The following KCNH3 variants were observed in gnomAD, a reference collection of about 807,000 sequenced individuals.
KCNH3 encodes the protein voltage-gated inwardly rectifying potassium channel KCNH3.
KCNH3 carries 36 observed loss-of-function variants against 95.6 expected under a neutral mutation model. The ratio of observed to expected loss-of-function variants is 0.38; its 90% CI spans 0.29 to 0.50. The LOEUF (loss-of-function observed/expected upper bound fraction) is 0.50. KCNH3 is among the 20% of genes least tolerant of loss of function. The probability of loss-of-function intolerance (pLI) is 0.95; values close to 1 mark genes in which losing one functional copy is unlikely to be tolerated. For missense variants in KCNH3, 1,030 were observed against 1,484.1 expected, an observed-to-expected ratio of 0.69 and a Z score of 5.03; for synonymous variants, 620 against 646.3, an observed-to-expected ratio of 0.96 and a Z score of 0.62.
chr12:49,549,312 GGAGACTTCGCCCGCACA>G, intron 8 of KCNH3, 112 bp from the exon 9 acceptor site: 2 of 1,453,550 alleles, frequency 1.4e-6, no homozygotes, highest in South Asian at 1.3e-5. Context: ...CGGGGGTGGG[GGAGACTTCGCCCGCACA>G]GCGGCCTTCA....
chr12:49,549,267 GC>G, intron 8 of KCNH3, 94 bp downstream of exon 8: 1 of 1,479,940 alleles, frequency 6.8e-7, no homozygotes, highest in Non-Finnish European at 9.0e-7. Flanking sequence ...GAGGCCGGGG[GC>G]TCTTCCGCTT....
Position 49,544,372 on chromosome 12 carries a change from G to T in KCNH3, c.1179G>T (p.Leu393=). ...QREIESSESE[L]PEIGWLQELA... is the part of the protein sequence containing the mutation. ...AGATCGAGAGCAGCGAATCCGAGCT[G>T]CCTGAGATTGGTACTGGAGGCTCCC... The change falls in exon 7 of 15, where the codon CTG becomes CTT. Residue 393 remains leucine, a synonymous_variant. Coordinates refer to ENST00000257981, the MANE Select transcript of KCNH3 (RefSeq NM_012284.3). 1 of 1,613,082 alleles carries T rather than the reference G, an allele frequency of 6.2e-7. No individual in the cohort carries two copies.
At chr12:49,540,117 G>A (rs1047957742) in intron 1 of KCNH3, among the ~76,000 whole-genome samples, 3 of 152,190 alleles carry the variant, frequency 2.0e-5, no homozygotes, top group African/African-American at 7.2e-5. Context: ...CACAGGGGAA[G>A]TGATGAAAGC....
chr12:49,557,319 C>T (rs374269221), intron 14 of KCNH3, 35 bp from the exon 15 acceptor site: 6 of 1,613,238 alleles, frequency 3.7e-6, no homozygotes, highest in Non-Finnish European at 5.1e-6. Flanking sequence ...CCATGGCTGA[C>T]TCCATTCTGA....
At chr12:49,542,205 AG>A (rs1222585686) in intron 3 of KCNH3, among the ~76,000 whole-genome samples, 1 of 152,102 alleles carries the variant, frequency 6.6e-6, no homozygotes, top group African/African-American at 2.4e-5. Context: ...CAGGTTACAA[AG>A]CTGTCAAGGC....
chr12:49,549,182 G>C lies in KCNH3; in HGVS notation c.1468+9G>C. 6.4e-7 allele frequency: 1 copy of C among 1,571,112 alleles called. No homozygotes were observed. The highest frequency in any genetic ancestry group is 8.6e-7 in the Non-Finnish European group (1 of 1,156,542). On this transcript the variant is annotated intron_variant, in intron 8 of 14. Coordinates refer to ENST00000257981, the MANE Select transcript of KCNH3 (RefSeq NM_012284.3). ...CACCATGCTCATCGGCGGTGAGCCC[G>C]GCCGCGCGCGTCTTCCCGGGGCCAC...
At chr12:49,540,240 C>T (rs1937826744) in intron 1 of KCNH3, among the ~76,000 whole-genome samples, 1 of 152,202 alleles carries the variant, frequency 6.6e-6, no homozygotes, top group Admixed American at 6.5e-5. Flanking sequence ...TGCGCTCTCC[C>T]CACTCCGGGC....
In KCNH3 at chr12:49,554,583, G is replaced by C. The variant is rs770976189; in HGVS notation, c.2136+29G>C. 1.5e-5 allele frequency: 23 copies of C among 1,576,242 alleles called. No individual in the cohort carries two copies. The Admixed American group carries it at 2.5e-4, about 17-fold the overall frequency. On this transcript the variant is annotated intron_variant, in intron 11 of 14. Coordinates refer to ENST00000257981, the MANE Select transcript of KCNH3 (RefSeq NM_012284.3). ...AGTGTGCTGAGTATGTGCTTGGAGG[G>C]GATGGGGGTGCCAGGGAGCCTGGTG...
At chr12:49,543,584 C>T (rs1937948743) in intron 5 of KCNH3, 66 bp downstream of exon 5, 2 of 1,555,248 alleles carry the variant, frequency 1.3e-6, no homozygotes. Flanking sequence ...TGGGGATAGT[C>T]CACGTGGCTT....
Position 49,542,794 on chromosome 12 carries a change from C to A in KCNH3, c.534C>A (p.Ser178=), listed in dbSNP as rs765060169. 4 of 1,601,638 alleles carry A rather than the reference C, an allele frequency of 2.5e-6. No homozygotes were observed. Among genetic ancestry groups the A allele is most frequent in the East Asian group, 4.5e-5 (2 of 44,448 alleles). Reference sequence around the variant, plus strand: ...GCCGGGCCGTGCTCTACCACCTGTCCGGGCACCTGCAGAAGCAGCCCAAGG... The same window carrying A: ...GCCGGGCCGTGCTCTACCACCTGTCAGGGCACCTGCAGAAGCAGCCCAAGG... The part of the protein sequence containing the change: ...RRSRAVLYHL[S]GHLQKQPKGK... The change falls in exon 4 of 15, where the codon TCC becomes TCA. Residue 178 remains serine (S), a synonymous_variant. Transcript: ENST00000257981.
At chr12:49,551,945 A>G (rs1938278572) in intron 10 of KCNH3, among the ~76,000 whole-genome samples, 1 of 152,160 alleles carries the variant, frequency 6.6e-6, no homozygotes, top group Non-Finnish European at 1.5e-5. Context: ...AGCTGGAAAC[A>G]AGAGGAAAAA....
chr12:49,547,259 G>A (rs571258516), intron 7 of KCNH3, among the ~76,000 whole-genome samples: 1 of 152,240 alleles, frequency 6.6e-6, no homozygotes, highest in African/African-American at 2.4e-5. Context: ...CCTTGGTGCA[G>A]GTCTTAGTAC....
At chr12:49,557,013 C>T (rs1185636674) in intron 13 of KCNH3, among the ~76,000 whole-genome samples, 170 bp from the exon 14 acceptor site, 1 of 152,116 alleles carries the variant, frequency 6.6e-6, no homozygotes, top group African/African-American at 2.4e-5. Context: ...GTTTTCCCTG[C>T]CCCTGGAAGT....
chr12:49,550,353 C>T (rs1412229668), intron 10 of KCNH3, 24 bp downstream of exon 10: 2 of 1,578,098 alleles, frequency 1.3e-6, no homozygotes, highest in South Asian at 1.1e-5. Flanking sequence ...GGAGAGAGGG[C>T]GTGGGGGCAC....
chr12:49,549,652 G>C lies in KCNH3; in HGVS notation c.1668+12G>C, dbSNP rs761408538. On this transcript the variant is annotated intron_variant, in intron 9 of 14. Transcript: ENST00000257981. ...TCGACACCACCGAGGTGCGGCCTCC[G>C]GGGCTGGGCCTGCTAGCCTTTGCTC... 1.2e-6 allele frequency: 2 copies of C among 1,603,478 alleles called. No homozygotes were observed. The highest frequency in any genetic ancestry group is 8.5e-7 in the Non-Finnish European group (1 of 1,178,610).
In KCNH3 at chr12:49,544,152, C is replaced by CTCCT. The variant is rs759908595; in HGVS notation, c.982-20_982-19insTTCC. 7.1e-6 allele frequency: 11 copies of CTCCT among 1,553,972 alleles called. No individual in the cohort carries two copies. In the African/African-American group the frequency reaches 1.5e-4, roughly 21 times the overall value. On this transcript the variant is annotated intron_variant, in intron 6 of 14. Coordinates refer to ENST00000257981, the MANE Select transcript of KCNH3 (RefSeq NM_012284.3). ...CCGGCCCGCTGACCTCCCTCCCTCC[C>CTCCT]TCCCTCCCTCCCCGCATCTCAGTAC...
intron 10 of KCNH3, 135 bp from the exon 11 acceptor site, chr12:49,554,198 CCTCT>C (rs1305699727): frequency 2.8e-6 from 2 of 704,616 alleles, no homozygotes; most frequent in Non-Finnish European, 5.0e-6. Flanking sequence ...CCTCTTTGCT[CCTCT>C]CTCTGCTGGC....
intron 10 of KCNH3, among the ~76,000 whole-genome samples, chr12:49,553,562 C>T (rs1015307689): frequency 1.3e-5 from 2 of 152,190 alleles, no homozygotes; most frequent in African/African-American, 4.8e-5. Flanking sequence ...TGGACAGACA[C>T]ACCCTATTTC....
intron 14 of KCNH3, 47 bp downstream of exon 14, chr12:49,557,306 A>T (rs1436169446): frequency 6.2e-7 from 1 of 1,613,340 alleles, no homozygotes; most frequent in South Asian, 1.1e-5. Flanking sequence ...AGGGGAAGGC[A>T]CTCCATGGCT....
Sources: allele counts gnomAD v4.1 joint callset (sites outside exome capture counted in the v4.1 genomes callset), GRCh38; gene constraint gnomAD v4.1.1; transcripts MANE v1.5; gene names NCBI Gene and HGNC (gene_info 2026-07-23, HGNC 2026-07-21).